PPP1R42: variants seen among roughly 807,000 people sequenced by gnomAD.
PPP1R42 encodes leucine rich repeat containing 67.
Under a neutral mutation model 31.0 loss-of-function variants are expected in PPP1R42, and 34 were observed. The observed-to-expected ratio is 1.10, with a 90% CI of 0.83 to 1.46. PPP1R42 has a LOEUF of 1.46. PPP1R42 is among the 40% of genes most tolerant of loss of function. The probability of loss-of-function intolerance (pLI) is 0.00; values close to 1 mark genes in which losing one functional copy is unlikely to be tolerated. For synonymous variants in PPP1R42, 103 were observed against 109.8 expected (o/e 0.94, Z 0.39); for missense variants, 268 against 303.0 (o/e 0.88, Z 0.86).
chr8:67,002,176 T>C (rs1417295048), intron 5 of PPP1R42, among the ~76,000 whole-genome samples: 1 of 152,236 alleles, frequency 6.6e-6, no homozygotes, highest in East Asian at 1.9e-4. Context: ...TTTAAATATC[T>C]TTTCTTCTGG....
chr8:67,000,042 G>A (rs1216054911), intron 5 of PPP1R42, among the ~76,000 whole-genome samples: 1 of 151,572 alleles, frequency 6.6e-6, no homozygotes, highest in Non-Finnish European at 1.5e-5. Flanking sequence ...ACCAGCTTTT[G>A]GCATCATTGA....
intron 7 of PPP1R42, among the ~76,000 whole-genome samples, chr8:66,975,994 G>A (rs1015094881): frequency 3.3e-5 from 5 of 152,120 alleles, no homozygotes; most frequent in East Asian, 1.9e-4. Flanking sequence ...AAACTGGGCC[G>A]CATAGCAGAA....
chr8:67,018,185 A>T (rs1374178238), intron 1 of PPP1R42, among the ~76,000 whole-genome samples: 1 of 146,276 alleles, frequency 6.8e-6, no homozygotes, highest in Non-Finnish European at 1.5e-5. Flanking sequence ...GCACAATCTC[A>T]GCTCACTGCA....
chr8:67,004,084 C>CTGG (rs1563426237), intron 5 of PPP1R42, among the ~76,000 whole-genome samples: 2 of 146,020 alleles, frequency 1.4e-5, no homozygotes, highest in Non-Finnish European at 3.0e-5. Context: ...AGCGAGACTC[C>CTGG]GTCTCAAAAA....
intron 5 of PPP1R42, among the ~76,000 whole-genome samples, chr8:66,993,560 C>T (rs1441369156): frequency 6.6e-6 from 1 of 152,204 alleles, no homozygotes; most frequent in Non-Finnish European, 1.5e-5. Context: ...TCTCTCAGAG[C>T]TCAGCTATCC....
chr8:67,020,806 C>CGG (rs1316974867), intron 1 of PPP1R42, among the ~76,000 whole-genome samples: 5 of 152,036 alleles, frequency 3.3e-5, no homozygotes, highest in African/African-American at 1.2e-4. Flanking sequence ...GGAAACATGC[C>CGG]GGGGGGCGGT....
intron 7 of PPP1R42, chr8:66,970,766 T>G (rs540635597): frequency 2.0e-5 from 11 of 545,984 alleles, no homozygotes; most frequent in Admixed American, 4.4e-5. Context: ...AACGCCGAAG[T>G]CTTCTGGAAA....
At chr8:67,002,935 G>A (rs543690498) in intron 5 of PPP1R42, among the ~76,000 whole-genome samples, 119 of 150,168 alleles carry the variant, frequency 7.9e-4, no homozygotes, top group Non-Finnish European at 1.3e-3. Flanking sequence ...GGTTTGGATC[G>A]CCTGAGGTCA....
chr8:66,993,088 A>G (rs1815238697), intron 5 of PPP1R42, among the ~76,000 whole-genome samples: 1 of 152,110 alleles, frequency 6.6e-6, no homozygotes, highest in African/African-American at 2.4e-5. Context: ...TTTATTTCTC[A>G]TTGTGCAAGG....
At chr8:67,019,819 G>C (rs1372292900) in intron 1 of PPP1R42, among the ~76,000 whole-genome samples, 2 of 151,278 alleles carry the variant, frequency 1.3e-5, no homozygotes, top group African/African-American at 4.9e-5. Flanking sequence ...ACCTGGGAGG[G>C]GGAGCTTGTA....
chr8:67,017,912 T>A (rs1418640696), intron 1 of PPP1R42, 81 bp from the exon 2 acceptor site: 2 of 646,508 alleles, frequency 3.1e-6, no homozygotes, highest in South Asian at 5.3e-5. Context: ...TTTAAATAAT[T>A]CCCTTATATG....
At chr8:67,010,950 G>T (rs189361246) in intron 4 of PPP1R42, 119 bp from the exon 5 acceptor site, 2 of 897,604 alleles carry the variant, frequency 2.2e-6, no homozygotes, top group South Asian at 2.9e-5. Context: ...TTGTTCTTTA[G>T]GCAAAAACAT....
chr8:66,987,453 G>A (rs537111879), intron 6 of PPP1R42, among the ~76,000 whole-genome samples: 1 of 151,882 alleles, frequency 6.6e-6, no homozygotes, highest in East Asian at 1.9e-4. Flanking sequence ...TGCCACCCCT[G>A]GCTATTCTTT....
At chr8:66,994,107 G>A (rs1815268408) in intron 5 of PPP1R42, among the ~76,000 whole-genome samples, 5 of 152,130 alleles carry the variant, frequency 3.3e-5, no homozygotes, top group Admixed American at 3.3e-4. Flanking sequence ...AGAGATGAAG[G>A]CAGAGTTAGA....
At chr8:66,983,945 C>T (rs7835708) in intron 6 of PPP1R42, among the ~76,000 whole-genome samples, 11 of 151,942 alleles carry the variant, frequency 7.2e-5, no homozygotes, top group African/African-American at 1.9e-4. Flanking sequence ...TTTAATCATA[C>T]GCACATAAGG....
At position 66,983,178 on chromosome 8, in the gene PPP1R42, T is replaced by C. The variant is rs1268303545; in HGVS notation, c.671-998A>G. 2.6e-5 allele frequency among the ~76,000 whole-genome samples: 4 copies of C among 152,182 alleles called. No homozygotes were observed. In the East Asian group the frequency reaches 7.7e-4, roughly 29 times the overall value. ...TGAGAAATAATCACTGATAACACTT[T>C]TGTATATTTCTTAGCATGTTTTTAT... On this transcript the variant is annotated intron_variant, in intron 6 of 7. Transcript: ENST00000685739.
At chr8:67,018,596 T>C (rs1816092486) in intron 1 of PPP1R42, among the ~76,000 whole-genome samples, 1 of 150,644 alleles carries the variant, frequency 6.6e-6, no homozygotes, top group East Asian at 2.0e-4. Flanking sequence ...GACTGCAACC[T>C]CCGTCTCCTG....
Position 67,007,910 on chromosome 8 carries a change from C to T in PPP1R42, c.552+2805G>A, listed in dbSNP as rs149386185. Among the ~76,000 whole-genome samples the T allele has an allele frequency of 5.1e-3, 634 of 124,374 alleles. 6 individuals carry two copies. The highest frequency in any genetic ancestry group is 0.017 in the African/African-American group (559 of 32,258). The allele number at this position is 124,374 out of a possible 152,430, so 81.6% of individuals were successfully genotyped here. A position where few individuals can be genotyped will look rare whatever the true frequency, so the allele number is the denominator to read the frequency against. ...TTTTTTTTTTTTTTTTTTTTTGAGA[C>T]GGAGTCTTGCTGTGTCACCCAGGCT... On this transcript the variant is annotated intron_variant, in intron 5 of 7. Transcript: ENST00000685739.
chr8:66,982,549 G>A (rs1814875206), intron 6 of PPP1R42, among the ~76,000 whole-genome samples: 1 of 151,694 alleles, frequency 6.6e-6, no homozygotes, highest in Non-Finnish European at 1.5e-5. Flanking sequence ...TCTGCCCCCT[G>A]GGGCTCAAGT....
Sources: allele counts gnomAD v4.1 joint callset (sites outside exome capture counted in the v4.1 genomes callset), GRCh38; gene constraint gnomAD v4.1.1; transcripts MANE v1.5; gene names NCBI Gene and HGNC (gene_info 2026-07-23, HGNC 2026-07-21).